Variants in MAP4K5 observed in about 807,000 individuals in gnomAD.
MAP4K5 encodes MAPK/ERK kinase kinase kinase 5.
A neutral mutation model predicts 135.6 loss-of-function variants in MAP4K5; 82 were observed. The ratio of observed to expected loss-of-function variants is 0.60; its 90% CI spans 0.51 to 0.73. MAP4K5 has a LOEUF of 0.73. MAP4K5 is among the 30% of genes least tolerant of loss of function. MAP4K5 has a pLI of 0.00. For missense variants in MAP4K5, 907 were observed against 1,010.9 expected, an observed-to-expected ratio of 0.90 and a Z score of 1.39; for synonymous variants, 347 against 335.0, an observed-to-expected ratio of 1.04 and a Z score of -0.39.
intron 14 of MAP4K5, 195 bp from the exon 15 acceptor site, chr14:50,449,027 C>T (rs1369201831): frequency 3.9e-6 from 2 of 508,892 alleles, no homozygotes; most frequent in Non-Finnish European, 6.9e-6. Flanking sequence ...GTGGGATCTT[C>T]CTAACATCTC....
chr14:50,419,799 T>C lies in MAP4K5; in HGVS notation c.*220A>G. The stretch of plus-strand genomic sequence containing the variant: ...TAGAGGACTATTTGTCTCATAGCTT[T>C]TATTAAGCAAACTTGATATAACCAC... On this transcript the variant is annotated 3_prime_UTR_variant, in exon 33 of 33. Transcript: ENST00000682126. 1 of 443,728 alleles carries C rather than the reference T, an allele frequency of 2.3e-6. No individual in the cohort carries two copies. 27.5% of individuals were successfully genotyped at this position (443,728 alleles called of 1,614,324 possible). A position where few individuals can be genotyped will look rare whatever the true frequency, so the allele number is the denominator to read the frequency against.
In MAP4K5 at chr14:50,474,119, T is replaced by C. The variant is rs370267320; in HGVS notation, c.542+958A>G. ...AACACTGCACATTAAAGAATCCAAA[T>C]TGGCTAAGCACAGTGGCTCAAGTCT... On this transcript the variant is annotated intron_variant, in intron 9 of 32. Coordinates refer to ENST00000682126, the MANE Select transcript of MAP4K5 (RefSeq NM_006575.6). Among the ~76,000 whole-genome samples, 176 of 152,238 alleles carry C rather than the reference T, an allele frequency of 1.2e-3. 2 individuals carry two copies. In the South Asian group the frequency reaches 0.033, roughly 29 times the overall value.
chr14:50,531,788 G>A (rs188729678), intron 2 of MAP4K5, among the ~76,000 whole-genome samples, 154 bp downstream of exon 2: 161 of 152,308 alleles, frequency 1.1e-3, no homozygotes, highest in African/African-American at 3.8e-3. Flanking sequence ...TGAGTCGAGG[G>A]TGCTCAGAAC....
chr14:50,546,121 C>A (rs979060892), intron 1 of MAP4K5, among the ~76,000 whole-genome samples: 3 of 152,044 alleles, frequency 2.0e-5, no homozygotes, highest in African/African-American at 7.2e-5. Flanking sequence ...GTTAGAAACT[C>A]ATTTGAAACT....
chr14:50,477,943 T>C (rs2037140443), intron 6 of MAP4K5, among the ~76,000 whole-genome samples: 1 of 152,162 alleles, frequency 6.6e-6, no homozygotes, highest in Non-Finnish European at 1.5e-5. Flanking sequence ...TGTTGTCTAA[T>C]TTTGGTGTCA....
intron 30 of MAP4K5, among the ~76,000 whole-genome samples, chr14:50,427,912 C>T (rs2035881229): frequency 6.6e-6 from 1 of 152,184 alleles, no homozygotes; most frequent in Admixed American, 6.5e-5. Context: ...CACCCAGAAT[C>T]TTACATGGCA....
At chr14:50,452,266 T>C (rs781621021) in intron 14 of MAP4K5, among the ~76,000 whole-genome samples, 2 of 152,168 alleles carry the variant, frequency 1.3e-5, no homozygotes, top group African/African-American at 2.4e-5. Context: ...TCTATTGCCT[T>C]TATCACTCTT....
intron 2 of MAP4K5, among the ~76,000 whole-genome samples, chr14:50,520,673 T>C (rs1488347253): frequency 6.6e-6 from 1 of 152,188 alleles, no homozygotes; most frequent in Non-Finnish European, 1.5e-5. Context: ...TTTATAGGAC[T>C]CAGTTAATTA....
chr14:50,485,149 T>C (rs1340059587), intron 5 of MAP4K5, among the ~76,000 whole-genome samples: 1 of 152,138 alleles, frequency 6.6e-6, no homozygotes, highest in Non-Finnish European at 1.5e-5. Flanking sequence ...AATAAAATAC[T>C]CGAAACTTTA....
Position 50,428,714 on chromosome 14 carries a change from T to C in MAP4K5, c.2274A>G (p.Ser758=), listed in dbSNP as rs367941902. The C allele has an allele frequency of 1.1e-5, 17 of 1,519,732 alleles. No individual in the cohort carries two copies. The highest frequency in any genetic ancestry group is 1.4e-5 in the Non-Finnish European group (16 of 1,136,486). 94.1% of individuals were successfully genotyped at this position (1,519,732 alleles called of 1,614,324 possible). Residue 758 remains serine, a synonymous_variant, in exon 30 of 33, where the codon TCA becomes TCG. Transcript: ENST00000682126. ...KIVNLQGKLK[S]SKKLASELSF... ...TTAACTCAGAGGCCAGTTTCTTACT[T>C]GATTTTAATTTTCCTTGTAGATTTA...
At chr14:50,493,987 C>CA (rs1367187950) in intron 3 of MAP4K5, among the ~76,000 whole-genome samples, 64 of 133,704 alleles carry the variant, frequency 4.8e-4, no homozygotes, top group South Asian at 1.2e-3. Flanking sequence ...GAATCCATCG[C>CA]AAAAAAAAAC....
rs114422166 is a variant in MAP4K5, at chr14:50,485,676, A to G, written c.258-34T>C. The G allele has an allele frequency of 2.1e-3, 2,780 of 1,314,326 alleles. 56 individuals are homozygous for G. In the African/African-American group the frequency reaches 0.036, roughly 17 times the overall value. The allele number at this position is 1,314,326 out of a possible 1,614,324, so 81.4% of individuals were successfully genotyped here. A position where few individuals can be genotyped will look rare whatever the true frequency, so the allele number is the denominator to read the frequency against. ...AAAAAAAAAGAAAATTATATTAGCTAGTAATTTTCAATCACTGAAATACTC... is the reference window on the plus strand; with the variant it reads ...AAAAAAAAAGAAAATTATATTAGCTGGTAATTTTCAATCACTGAAATACTC... On this transcript the variant is annotated intron_variant, in intron 4 of 32. Coordinates refer to ENST00000682126, the MANE Select transcript of MAP4K5 (RefSeq NM_006575.6).
At chr14:50,507,138 G>C (rs1242657953) in intron 2 of MAP4K5, among the ~76,000 whole-genome samples, 1 of 152,186 alleles carries the variant, frequency 6.6e-6, no homozygotes, top group Admixed American at 6.5e-5. Flanking sequence ...AATTATGTTT[G>C]TAATGCTTTA....
chr14:50,558,458 T>C (rs984596791), intron 1 of MAP4K5, among the ~76,000 whole-genome samples: 9 of 152,162 alleles, frequency 5.9e-5, no homozygotes, highest in African/African-American at 2.2e-4. Flanking sequence ...CTAAAATCAG[T>C]GGATGAAAAG....
At chr14:50,440,268 T>G in intron 22 of MAP4K5, 94 bp downstream of exon 22, 1 of 854,162 alleles carries the variant, frequency 1.2e-6, no homozygotes, top group Non-Finnish European at 1.8e-6. Flanking sequence ...ATCATAAAAA[T>G]TAAAATTGGG....
rs1411051324 is a variant in MAP4K5, at chr14:50,462,658, T to A, written c.936+7A>T. 6.3e-7 allele frequency: 1 copy of A among 1,583,354 alleles called. No individual in the cohort carries two copies. The highest frequency in any genetic ancestry group is 1.8e-5 in the Admixed American group (1 of 56,556). On this transcript the variant is annotated splice_region_variant and intron_variant, in intron 13 of 32. Transcript: ENST00000682126. ...TTTCAACTATGAGACTGCAAACACTTCCTTACCTCAAAGTCATCGTCATCT... is the reference window on the plus strand; with the variant it reads ...TTTCAACTATGAGACTGCAAACACTACCTTACCTCAAAGTCATCGTCATCT...
At chr14:50,445,226 CA>C in intron 17 of MAP4K5, 32 bp from the exon 18 acceptor site, 1 of 1,601,988 alleles carries the variant, frequency 6.2e-7, no homozygotes, top group Non-Finnish European at 8.5e-7. Flanking sequence ...AGTACTTTAA[CA>C]GTTATCATTA....
intron 13 of MAP4K5, among the ~76,000 whole-genome samples, chr14:50,459,389 T>C (rs994719010): frequency 2.0e-5 from 3 of 152,184 alleles, no homozygotes; most frequent in African/African-American, 7.2e-5. Flanking sequence ...AATTCTTAAA[T>C]TAATACACTT....
Position 50,445,171 on chromosome 14 carries a change from T to G in MAP4K5, c.1209A>C (p.Glu403Asp). 6.2e-7 allele frequency: 1 copy of G among 1,613,450 alleles called. No individual in the cohort carries two copies. The highest frequency in any genetic ancestry group is 8.5e-7 in the Non-Finnish European group (1 of 1,179,610). The part of the protein sequence containing the change: ...PPKPRISSYP[E>D]DNFPDEEKAS... Reference sequence around the variant, plus strand: ...CTTTTTCTTCATCCGGAAAGTTGTCTTCAGGGTAACTGCTTATCCTTGGCT... The same window carrying G: ...CTTTTTCTTCATCCGGAAAGTTGTCGTCAGGGTAACTGCTTATCCTTGGCT... The change falls in exon 18 of 33, where the codon GAA (glutamate) becomes GAC (aspartate). Residue 403 changes from glutamate to aspartate, a missense_variant. Around this residue, in one of 3 missense-constraint regions of MAP4K5, gnomAD observed 690 missense variants for 777.4 expected, o/e 0.89. Coordinates refer to ENST00000682126, the MANE Select transcript of MAP4K5 (RefSeq NM_006575.6).
Sources: allele counts gnomAD v4.1 joint callset (sites outside exome capture counted in the v4.1 genomes callset), GRCh38; gene constraint gnomAD v4.1.1; regional missense constraint gnomAD v4.1.1; transcripts MANE v1.5; gene names NCBI Gene and HGNC (gene_info 2026-07-23, HGNC 2026-07-21).